Variants in DAAM1 observed in about 807,000 individuals in gnomAD.
DAAM1 encodes the protein dishevelled associated activator of morphogenesis 1.
DAAM1 carries 52 observed loss-of-function variants against 130.0 expected under a neutral mutation model. The observed-to-expected ratio is 0.40, with a 90% CI of 0.32 to 0.50. The LOEUF is 0.50. Ranked by LOEUF, DAAM1 falls within the 20% of genes least tolerant of loss-of-function variation. DAAM1 has a pLI of 0.61. For synonymous variants in DAAM1, 452 were observed against 444.5 expected (o/e 1.02, Z -0.21); for missense variants, 1,134 against 1,303.8 (o/e 0.87, Z 2.01).
At chr14:59,314,069 C>T (rs1269647089) in intron 3 of DAAM1, among the ~76,000 whole-genome samples, 1 of 152,050 alleles carries the variant, frequency 6.6e-6, no homozygotes, top group Non-Finnish European at 1.5e-5. Flanking sequence ...CCTGTGTAGA[C>T]CTGTCTGGAA....
chr14:59,340,155 C>T lies in DAAM1; in HGVS notation c.2050C>T (p.Gln684Ter). ...TTCGGTGATTGATGGTCGGAGAGCT[C>T]AGAATTGCAACATCCTTCTATCGAG... is the stretch of plus-strand genomic sequence containing the variant. ...ELSVIDGRRA[Q>*]NCNILLSRLK... The change falls in exon 16 of 25, where the codon CAG becomes TAG. Residue 684 changes from glutamine (Q) to a stop codon, truncating the protein, a stop_gained. Coordinates refer to ENST00000360909, the MANE Select transcript of DAAM1 (RefSeq NM_001270520.2). LOFTEE classifies it high-confidence loss of function. The T allele has an allele frequency of 6.2e-7, 1 of 1,613,286 alleles. No individual in the cohort carries two copies. The highest frequency in any genetic ancestry group is 8.5e-7 in the Non-Finnish European group (1 of 1,179,512).
At chr14:59,287,503 G>A (rs1226722863) in intron 2 of DAAM1, among the ~76,000 whole-genome samples, 1 of 152,070 alleles carries the variant, frequency 6.6e-6, no homozygotes, top group Non-Finnish European at 1.5e-5. Context: ...GTCTCTTTAT[G>A]ATGTGTTTCT....
chr14:59,271,562 C>T (rs1882707127), intron 2 of DAAM1, among the ~76,000 whole-genome samples: 1 of 152,128 alleles, frequency 6.6e-6, no homozygotes, highest in African/African-American at 2.4e-5. Context: ...CAAATGAATT[C>T]ACTTGGGAAC....
At chr14:59,287,302 C>G (rs186659306) in intron 2 of DAAM1, among the ~76,000 whole-genome samples, 2 of 152,236 alleles carry the variant, frequency 1.3e-5, no homozygotes, top group Non-Finnish European at 2.9e-5. Flanking sequence ...CAAGAGCCAT[C>G]TATGACAAAC....
At chr14:59,354,116 A>C (rs1886386262) in intron 19 of DAAM1, 152 bp downstream of exon 19, 3 of 711,114 alleles carry the variant, frequency 4.2e-6, no homozygotes, top group Non-Finnish European at 6.9e-6. Context: ...GCTGGAGTGC[A>C]GTAGCGCGAT....
chr14:59,351,205 A>G (rs1192292828), intron 17 of DAAM1, among the ~76,000 whole-genome samples: 1 of 152,100 alleles, frequency 6.6e-6, no homozygotes, highest in Non-Finnish European at 1.5e-5. Context: ...TTTTAGTCTC[A>G]TAAATAGCTC....
At chr14:59,206,107 G>T (rs1189415826) in intron 1 of DAAM1, among the ~76,000 whole-genome samples, 1 of 151,944 alleles carries the variant, frequency 6.6e-6, no homozygotes, top group Non-Finnish European at 1.5e-5. Flanking sequence ...TCCCACCGTG[G>T]CCTCCCAAAG....
intron 3 of DAAM1, chr14:59,299,721 A>G (rs1445424185): frequency 6.6e-6 from 1 of 152,206 alleles, no homozygotes; most frequent in Non-Finnish European, 1.5e-5. Context: ...TGGTAAAAGG[A>G]GGACTTATTT....
At position 59,263,588 on chromosome 14, in the gene DAAM1, G is replaced by T. The variant is rs563858874; in HGVS notation, c.111G>T (p.Ala37=). The T allele has an allele frequency of 1.9e-6, 3 of 1,614,050 alleles. No individual in the cohort carries two copies. The African/African-American group carries it at 4.0e-5, about 22-fold the overall frequency. The change falls in exon 2 of 25, where the codon GCG becomes GCT. Residue 37 remains alanine, a synonymous_variant. Transcript: ENST00000360909. ...TYRLRNDSNF[A]LQTMEPALPM... ...GGCTGCGAAATGATAGCAACTTTGCGCTTCAGACCATGGAACCAGCATTGC... is the reference window on the plus strand; with the variant it reads ...GGCTGCGAAATGATAGCAACTTTGCTCTTCAGACCATGGAACCAGCATTGC...
intron 19 of DAAM1, among the ~76,000 whole-genome samples, chr14:59,354,310 T>C (rs1196019451): frequency 6.6e-6 from 1 of 152,208 alleles, no homozygotes; most frequent in Non-Finnish European, 1.5e-5. Context: ...TCTGCCCACC[T>C]TGGCCTCCCA....
At chr14:59,207,486 A>G (rs1448314905) in intron 1 of DAAM1, among the ~76,000 whole-genome samples, 1 of 152,248 alleles carries the variant, frequency 6.6e-6, no homozygotes, top group South Asian at 2.1e-4. Context: ...GTTAGAAATT[A>G]GAATTAAGAA....
intron 1 of DAAM1, among the ~76,000 whole-genome samples, chr14:59,196,127 A>G (rs190822401): frequency 6.6e-6 from 1 of 152,346 alleles, no homozygotes; most frequent in Admixed American, 6.5e-5. Flanking sequence ...AGTTTGCCAA[A>G]GCCAATAGCC....
At chr14:59,325,790 ATGTGTGTTGT>A in intron 9 of DAAM1, 60 bp downstream of exon 9, 2 of 1,597,346 alleles carry the variant, frequency 1.3e-6, no homozygotes, top group Non-Finnish European at 1.7e-6. Context: ...TCTGTCTGTA[ATGTGTGTTGT>A]AGAGTCCACA....
At chr14:59,319,241 T>A (rs532841822) in intron 4 of DAAM1, among the ~76,000 whole-genome samples, 61 of 152,296 alleles carry the variant, frequency 4.0e-4, no homozygotes, top group African/African-American at 1.4e-3. Flanking sequence ...GCAGAAACAA[T>A]AACAAGATTT....
At position 59,193,940 on chromosome 14, in the gene DAAM1, C is replaced by G. The variant is rs555298749; in HGVS notation, c.-38+5172C>G. On this transcript the variant is annotated intron_variant, in intron 1 of 24. Transcript: ENST00000360909. The stretch of plus-strand genomic sequence containing the variant: ...TGTGAGGTGCCTACCTCATGCCAAG[C>G]CCTTTCTAATACTTTCCATGGGCTA... 5.2e-4 allele frequency among the ~76,000 whole-genome samples: 79 copies of G among 152,280 alleles called. 1 individual carries two copies. The highest frequency in any genetic ancestry group is 4.7e-3 in the Admixed American group (72 of 15,298).
intron 1 of DAAM1, among the ~76,000 whole-genome samples, chr14:59,259,942 G>A (rs1414622446): frequency 1.3e-5 from 2 of 152,180 alleles, no homozygotes; most frequent in Non-Finnish European, 2.9e-5. Context: ...TACTGGGGAG[G>A]CTGAGGCAGG....
At chr14:59,346,138 TGGGG>T (rs36023292) in intron 16 of DAAM1, among the ~76,000 whole-genome samples, 7 of 119,590 alleles carry the variant, frequency 5.9e-5, no homozygotes, top group African/African-American at 1.6e-4. Flanking sequence ...CCCTTTTTTT[TGGGG>T]GGGGGGGGGT....
At chr14:59,263,785 CT>C in intron 2 of DAAM1, 125 bp downstream of exon 2, 1 of 1,188,052 alleles carries the variant, frequency 8.4e-7, no homozygotes, top group Non-Finnish European at 1.2e-6. Flanking sequence ...CCCCATTCAC[CT>C]TTATGTCTGC....
chr14:59,266,222 C>T (rs903384418), intron 2 of DAAM1: 2 of 150,578 alleles, frequency 1.3e-5, no homozygotes, highest in Admixed American at 1.3e-4. Context: ...CTAATGACTG[C>T]CCTCAAGTTG....
Sources: gnomAD v4.1 joint callset for allele counts (sites outside exome capture counted in the v4.1 genomes callset) on GRCh38, gnomAD v4.1.1 for gene constraint, MANE v1.5 for transcripts, NCBI Gene and HGNC (gene_info 2026-07-23, HGNC 2026-07-21) for gene names.